Variants in KIAA1549L observed in about 807,000 individuals in gnomAD.
KIAA1549L encodes the protein KIAA1549 like.
Under a neutral mutation model 160.7 loss-of-function variants are expected in KIAA1549L, and 88 were observed. The observed-to-expected ratio is 0.55, with a 90% CI of 0.46 to 0.65. The LOEUF is 0.65. Ranked by LOEUF, KIAA1549L falls within the 30% of genes least tolerant of loss-of-function variation. The pLI is 0.00. For synonymous variants in KIAA1549L, 950 were observed against 976.7 expected, an observed-to-expected ratio of 0.97 and a Z score of 0.51; for missense variants, 2,258 against 2,437.5, an observed-to-expected ratio of 0.93 and a Z score of 1.55.
At chr11:33,436,496 T>G (rs867512723) in intron 1 of KIAA1549L, among the ~76,000 whole-genome samples, 2 of 152,234 alleles carry the variant, frequency 1.3e-5, no homozygotes, top group African/African-American at 4.8e-5. Context: ...GAGGGCAGTC[T>G]GCTTTATTTG....
chr11:33,515,222 C>T (rs1479147724), intron 1 of KIAA1549L, among the ~76,000 whole-genome samples: 1 of 152,214 alleles, frequency 6.6e-6, no homozygotes, highest in Non-Finnish European at 1.5e-5. Context: ...GCTAATATCT[C>T]TTTCTCTTCT....
At chr11:33,468,721 C>T (rs1439604198) in intron 1 of KIAA1549L, among the ~76,000 whole-genome samples, 1 of 152,166 alleles carries the variant, frequency 6.6e-6, no homozygotes, top group African/African-American at 2.4e-5. Flanking sequence ...TTTGAAAATA[C>T]ATATCATAAC....
intron 1 of KIAA1549L, among the ~76,000 whole-genome samples, chr11:33,520,842 C>G (rs1853475048): frequency 6.6e-6 from 1 of 151,952 alleles, no homozygotes; most frequent in African/African-American, 2.4e-5. Flanking sequence ...CATTCAGAAA[C>G]CTTGCATTGA....
intron 1 of KIAA1549L, among the ~76,000 whole-genome samples, chr11:33,425,932 G>A (rs956381424): frequency 6.6e-6 from 1 of 152,164 alleles, no homozygotes; most frequent in Admixed American, 6.5e-5. Context: ...ATTAAGGGCA[G>A]TTCTACAAAA....
chr11:33,412,609 C>G (rs909263263), intron 1 of KIAA1549L, among the ~76,000 whole-genome samples: 1 of 152,196 alleles, frequency 6.6e-6, no homozygotes, highest in East Asian at 1.9e-4. Flanking sequence ...AACCAGCTGG[C>G]TGCATTAATT....
Position 33,661,023 on chromosome 11 carries a change from C to A in KIAA1549L, c.6159+9C>A. The A allele has an allele frequency of 6.2e-7, 1 of 1,601,996 alleles. No individual in the cohort carries two copies. On this transcript the variant is annotated intron_variant, in intron 20 of 20. Transcript: ENST00000658780. ...GCCAGTGGGCAGATTCGGTGAGACC[C>A]TTGCTCTTCACCTCATAAAACTTTA... is the stretch of plus-strand genomic sequence containing the variant.
chr11:33,411,731 C>T (rs547639216), intron 1 of KIAA1549L, among the ~76,000 whole-genome samples: 1 of 152,148 alleles, frequency 6.6e-6, no homozygotes, highest in Non-Finnish European at 1.5e-5. Flanking sequence ...TTCCAGCTAT[C>T]GTGGAGTGTA....
chr11:33,567,362 A>T (rs896912392), intron 8 of KIAA1549L, among the ~76,000 whole-genome samples: 4 of 152,170 alleles, frequency 2.6e-5, no homozygotes, highest in African/African-American at 4.8e-5. Flanking sequence ...AAGGACTTGG[A>T]CTCAGAGAGG....
intron 1 of KIAA1549L, among the ~76,000 whole-genome samples, chr11:33,470,547 C>A (rs1313448738): frequency 6.6e-6 from 1 of 152,048 alleles, no homozygotes; most frequent in Non-Finnish European, 1.5e-5. Flanking sequence ...TCCCTCCTCA[C>A]CCTACAGAGT....
chr11:33,556,982 G>C (rs1854670397), intron 6 of KIAA1549L, among the ~76,000 whole-genome samples: 1 of 152,092 alleles, frequency 6.6e-6, no homozygotes, highest in South Asian at 2.1e-4. Flanking sequence ...AGTGGGATTT[G>C]GGTTTTTGTT....
intron 17 of KIAA1549L, among the ~76,000 whole-genome samples, chr11:33,652,288 C>T (rs797018437): frequency 1.1e-4 from 16 of 152,184 alleles, no homozygotes; most frequent in African/African-American, 3.6e-4. Context: ...CCAGGGGGAA[C>T]ATGCACAGGA....
intron 16 of KIAA1549L, among the ~76,000 whole-genome samples, chr11:33,634,409 C>T (rs1851385064): frequency 1.3e-5 from 2 of 152,198 alleles, no homozygotes; most frequent in South Asian, 4.1e-4. Context: ...GGGTGCCTTT[C>T]TCCAGCATGA....
intron 1 of KIAA1549L, among the ~76,000 whole-genome samples, chr11:33,426,099 G>C (rs1851110383): frequency 6.6e-6 from 1 of 152,188 alleles, no homozygotes; most frequent in Non-Finnish European, 1.5e-5. Flanking sequence ...GGACATTAGA[G>C]ACAAAGTTAG....
chr11:33,617,830 T>TGG (rs58020701), intron 15 of KIAA1549L, among the ~76,000 whole-genome samples: 4 of 150,056 alleles, frequency 2.7e-5, no homozygotes, highest in Middle Eastern at 3.4e-3. Context: ...GATGGATGGA[T>TGG]AGGTAGGTGG....
intron 1 of KIAA1549L, among the ~76,000 whole-genome samples, chr11:33,501,302 T>A (rs1181912494): frequency 6.6e-6 from 1 of 152,246 alleles, no homozygotes; most frequent in Non-Finnish European, 1.5e-5. Context: ...ATCAATCCCT[T>A]GTTCTCCAAA....
At chr11:33,590,869 G>A (rs968970004) in intron 11 of KIAA1549L, among the ~76,000 whole-genome samples, 1 of 152,226 alleles carries the variant, frequency 6.6e-6, no homozygotes, top group African/African-American at 2.4e-5. Context: ...TTTCTAGGCA[G>A]GAGGTGATCC....
rs866544070 is a variant in KIAA1549L at position 33,552,690 on chromosome 11, A to G, written c.3855+449A>G. 2.1e-3 allele frequency among the ~76,000 whole-genome samples: 305 copies of G among 146,506 alleles called. 5 individuals are homozygous for G. Among genetic ancestry groups the G allele is most frequent in the South Asian group, 0.013 (59 of 4,654 alleles). On this transcript the variant is annotated intron_variant, in intron 6 of 20. Coordinates refer to ENST00000658780, the MANE Select transcript of KIAA1549L (RefSeq NM_012194.3). ...CACACACACACACACACACACACAC[A>G]CACACACACACACATGCGTTTTATA...
chr11:33,552,653 AACACACAC>A (rs761358417), intron 6 of KIAA1549L, among the ~76,000 whole-genome samples: 8,066 of 131,414 alleles, frequency 0.061, 348 homozygotes, highest in East Asian at 0.21. Flanking sequence ...GACACATGCC[AACACACAC>A]ACACACACAC....
chr11:33,660,564 CAA>C (rs72519772), intron 19 of KIAA1549L, among the ~76,000 whole-genome samples: 11 of 103,506 alleles, frequency 1.1e-4, no homozygotes, highest in African/African-American at 3.6e-4. Flanking sequence ...GACTCCGTCT[CAA>C]AAAAAAAAAA....
Sources: gnomAD v4.1 joint callset for allele counts (sites outside exome capture counted in the v4.1 genomes callset) on GRCh38, gnomAD v4.1.1 for gene constraint, MANE v1.5 for transcripts, NCBI Gene and HGNC (gene_info 2026-07-23, HGNC 2026-07-21) for gene names.